CFAP54: variants seen among roughly 807,000 people sequenced by gnomAD.
CFAP54 encodes cilia- and flagella-associated protein 54.
CFAP54 carries 290 observed loss-of-function variants against 370.4 expected under a neutral mutation model. The observed-to-expected ratio is 0.78, with a 90% confidence interval of 0.71 to 0.86. CFAP54 has a LOEUF of 0.86. Ranked by LOEUF, CFAP54 falls within the 40% of genes least tolerant of loss-of-function variation. The probability of loss-of-function intolerance (pLI) is 0.00; values close to 1 mark genes in which losing one functional copy is unlikely to be tolerated. For synonymous variants in CFAP54, 1,206 were observed against 1,236.5 expected (o/e 0.98, Z 0.52); for missense variants, 3,399 against 3,528.7 (o/e 0.96, Z 0.93).
chr12:96,835,307 G>A (rs996813359), intron 66 of CFAP54, among the ~76,000 whole-genome samples: 17 of 152,066 alleles, frequency 1.1e-4, no homozygotes, highest in Non-Finnish European at 7.4e-5. Flanking sequence ...TTGTCCGATC[G>A]TCTACTCTGC....
chr12:96,576,094 G>A (rs1015335131), intron 19 of CFAP54, among the ~76,000 whole-genome samples: 2 of 151,718 alleles, frequency 1.3e-5, no homozygotes, highest in African/African-American at 4.8e-5. Flanking sequence ...ACAGAATATG[G>A]TTTTTCTATT....
At chr12:96,613,638 G>A (rs932533492) in intron 26 of CFAP54, among the ~76,000 whole-genome samples, 4 of 151,952 alleles carry the variant, frequency 2.6e-5, no homozygotes, top group Non-Finnish European at 5.9e-5. Context: ...TAATAAAGAA[G>A]AAAAGAGACA....
At chr12:96,513,825 G>T (rs952461912) in intron 5 of CFAP54, among the ~76,000 whole-genome samples, 1 of 152,224 alleles carries the variant, frequency 6.6e-6, no homozygotes, top group South Asian at 2.1e-4. Flanking sequence ...GTCATGATAC[G>T]GAGCTTGGAT....
At chr12:96,768,299 T>A (rs1158500005) in intron 60 of CFAP54, among the ~76,000 whole-genome samples, 1 of 151,992 alleles carries the variant, frequency 6.6e-6, no homozygotes, top group African/African-American at 2.4e-5. Context: ...CCAGCCTCAG[T>A]GACAAAGTGA....
In CFAP54 at chr12:96,764,158, T is replaced by A; in HGVS notation, c.8048T>A (p.Leu2683His). Residue 2683 changes from leucine (L) to histidine (H), a missense_variant, in exon 59 of 68, where the codon CTC (leucine) becomes CAC (histidine). Transcript: ENST00000524981. Reference protein sequence around the residue: ...SGSPLTLKPPLRRSSSVKETS... With the variant: ...SGSPLTLKPPHRRSSSVKETS... ...CATTTGCCATATTTTTAGCCTCCTCTCAGAAGAAGTAGTTCTGTTAAAGAA... is the reference window on the plus strand; with the variant it reads ...CATTTGCCATATTTTTAGCCTCCTCACAGAAGAAGTAGTTCTGTTAAAGAA... 1 of 1,610,000 alleles carries A rather than the reference T, an allele frequency of 6.2e-7. No homozygotes were observed.
At chr12:96,640,141 C>T (rs1956708368) in intron 32 of CFAP54, among the ~76,000 whole-genome samples, 1 of 152,088 alleles carries the variant, frequency 6.6e-6, no homozygotes, top group Admixed American at 6.5e-5. Flanking sequence ...GTCAAATTGT[C>T]CCTGTTTGCA....
intron 66 of CFAP54, among the ~76,000 whole-genome samples, chr12:96,831,505 C>G (rs1167145967): frequency 6.6e-6 from 1 of 152,150 alleles, no homozygotes; most frequent in Non-Finnish European, 1.5e-5. Flanking sequence ...ACTGTATGGC[C>G]TACAAAGCCT....
Position 96,740,080 on chromosome 12 carries a change from C to T in CFAP54, c.7071+19C>T, listed in dbSNP as rs750130285. ...AACTTCTGTAAGTATGACTTAATGT[C>T]TGTTCTTACAATACTTATCATATAA... On this transcript the variant is annotated intron_variant, in intron 51 of 67. Transcript: ENST00000524981. 4 of 1,300,266 alleles carry T rather than the reference C, an allele frequency of 3.1e-6. No individual in the cohort carries two copies. The African/African-American group carries it at 4.4e-5, about 14-fold the overall frequency. 80.5% of individuals were successfully genotyped at this position (1,300,266 alleles called of 1,614,324 possible).
intron 67 of CFAP54, among the ~76,000 whole-genome samples, chr12:96,867,759 T>C (rs970094771): frequency 2.7e-4 from 41 of 152,100 alleles, no homozygotes; most frequent in African/African-American, 8.9e-4. Flanking sequence ...GGAGGGGCTG[T>C]TGAGGAGATG....
chr12:96,615,366 A>T (rs982549228), intron 26 of CFAP54, among the ~76,000 whole-genome samples: 4 of 152,248 alleles, frequency 2.6e-5, no homozygotes, highest in Non-Finnish European at 5.9e-5. Context: ...TTAATTCAAG[A>T]TGGATTAAAG....
chr12:96,712,168 A>G lies in CFAP54; in HGVS notation c.6724+3365A>G, dbSNP rs188082553. On this transcript the variant is annotated intron_variant, in intron 48 of 67. Transcript: ENST00000524981. ...TTCCATCCAATGGTTGTTTAGCTTT[A>G]CCTACTTATTTGCTGTTTCCTTTGC... 2.6e-5 allele frequency among the ~76,000 whole-genome samples: 4 copies of G among 152,002 alleles called. 1 individual carries two copies. The highest frequency in any genetic ancestry group is 2.6e-4 in the Admixed American group (4 of 15,250).
intron 66 of CFAP54, among the ~76,000 whole-genome samples, chr12:96,852,625 A>T (rs931452405): frequency 6.6e-6 from 1 of 152,120 alleles, no homozygotes; most frequent in Non-Finnish European, 1.5e-5. Context: ...CATAAATAGG[A>T]TGCACTTTTG....
intron 48 of CFAP54, among the ~76,000 whole-genome samples, chr12:96,710,678 AGATG>A (rs1245436584): frequency 6.7e-6 from 1 of 149,106 alleles, no homozygotes; most frequent in Non-Finnish European, 1.5e-5. Flanking sequence ...TTTTTTTTTG[AGATG>A]GAGTTTTGCT....
At chr12:96,819,942 T>C (rs1408208364) in intron 65 of CFAP54, among the ~76,000 whole-genome samples, 1 of 152,210 alleles carries the variant, frequency 6.6e-6, no homozygotes, top group African/African-American at 2.4e-5. Flanking sequence ...TCCCAGCTAC[T>C]TGGGTCCCAG....
chr12:96,851,756 A>G (rs923946973), intron 66 of CFAP54, among the ~76,000 whole-genome samples: 3 of 152,080 alleles, frequency 2.0e-5, no homozygotes, highest in African/African-American at 4.8e-5. Context: ...TTAATAACAG[A>G]CAACTTTTCT....
chr12:96,541,794 CT>C (rs989877099), intron 14 of CFAP54, among the ~76,000 whole-genome samples: 16 of 151,914 alleles, frequency 1.1e-4, no homozygotes, highest in African/African-American at 3.6e-4. Flanking sequence ...CTTCTAATTC[CT>C]TCCTTTTAAA....
chr12:96,792,282 C>A (rs912079936), intron 62 of CFAP54, 47 bp from the exon 63 acceptor site: 3 of 1,408,378 alleles, frequency 2.1e-6, no homozygotes, highest in Non-Finnish European at 2.8e-6. Flanking sequence ...ATATATGTAA[C>A]AAATTTATTA....
chr12:96,847,209 G>A (rs1054747343), intron 66 of CFAP54, among the ~76,000 whole-genome samples: 1 of 152,058 alleles, frequency 6.6e-6, no homozygotes, highest in Non-Finnish European at 1.5e-5. Context: ...ACAGGGAAGG[G>A]GCAAGAAGCA....
At chr12:96,857,818 G>A (rs1959754025) in intron 66 of CFAP54, among the ~76,000 whole-genome samples, 1 of 152,126 alleles carries the variant, frequency 6.6e-6, no homozygotes, top group African/African-American at 2.4e-5. Flanking sequence ...CAAGTTTCCT[G>A]AGTCCTCGCC....
Sources: gnomAD v4.1 joint callset for allele counts (sites outside exome capture counted in the v4.1 genomes callset) on GRCh38, gnomAD v4.1.1 for gene constraint, MANE v1.5 for transcripts, NCBI Gene and HGNC (gene_info 2026-07-23, HGNC 2026-07-21) for gene names.